Variants in DNM3 observed in about 807,000 individuals in gnomAD.
DNM3 encodes the protein dynamin 3.
In DNM3, 47 loss-of-function variants were observed where a neutral mutation model predicts 101.6. That is an observed-to-expected ratio of 0.46 (90% CI 0.37 to 0.59). The LOEUF is 0.59. Among genes scored for constraint, DNM3 ranks in the 20% least tolerant of loss-of-function variants. DNM3 has a pLI of 0.00. For missense variants in DNM3, 849 were observed against 1,085.7 expected, an observed-to-expected ratio of 0.78 and a Z score of 3.06; for synonymous variants, 385 against 387.9, an observed-to-expected ratio of 0.99 and a Z score of 0.09.
At chr1:172,032,526 CTTTTTTTTTTT>C (rs750270768) in intron 5 of DNM3, 26 bp downstream of exon 5, 5,436 of 359,156 alleles carry the variant, frequency 0.015, 63 homozygotes, top group African/African-American at 0.022. Context: ...CTATACAAGA[CTTTTTTTTTTT>C]TTTTTTTTTT....
chr1:172,294,170 A>G (rs762515582), intron 15 of DNM3, among the ~76,000 whole-genome samples: 7 of 152,222 alleles, frequency 4.6e-5, no homozygotes, highest in Non-Finnish European at 8.8e-5. Context: ...TAAAGCAAAG[A>G]TACAACTTTT....
chr1:172,304,267 A>T (rs1282552126), intron 15 of DNM3, among the ~76,000 whole-genome samples: 1 of 147,800 alleles, frequency 6.8e-6, no homozygotes. Context: ...CTTTAAACCA[A>T]CAAAGATCAA....
chr1:172,341,517 T>C (rs1227944015), intron 17 of DNM3, among the ~76,000 whole-genome samples: 3 of 152,158 alleles, frequency 2.0e-5, no homozygotes, highest in Admixed American at 2.0e-4. Flanking sequence ...AAAACGGCAT[T>C]GTACTGGTAC....
intron 4 of DNM3, among the ~76,000 whole-genome samples, chr1:171,997,428 A>G (rs942209699): frequency 1.2e-4 from 19 of 152,146 alleles, no homozygotes; most frequent in African/African-American, 3.9e-4. Flanking sequence ...GATTTGCTTC[A>G]GGACTATGCT....
chr1:171,879,098 C>A (rs1017465808), intron 1 of DNM3, among the ~76,000 whole-genome samples: 2 of 152,132 alleles, frequency 1.3e-5, no homozygotes, highest in South Asian at 4.1e-4. Context: ...ATGCTTTTGG[C>A]TTATGTACTA....
intron 14 of DNM3, among the ~76,000 whole-genome samples, chr1:172,205,747 G>A (rs533832361): frequency 1.3e-5 from 2 of 152,198 alleles, no homozygotes; most frequent in Admixed American, 1.3e-4. Context: ...TGAATATATA[G>A]TCGGGAAAGG....
chr1:172,045,984 A>G (rs897502377), intron 9 of DNM3, among the ~76,000 whole-genome samples: 11 of 152,306 alleles, frequency 7.2e-5, no homozygotes, highest in African/African-American at 2.2e-4. Flanking sequence ...AACCATTGTG[A>G]AAGTCAGTGT....
At chr1:172,280,367 C>CA (rs2063445089) in intron 15 of DNM3, among the ~76,000 whole-genome samples, 1 of 152,054 alleles carries the variant, frequency 6.6e-6, no homozygotes, top group Admixed American at 6.6e-5. Context: ...TCAGTGAAGG[C>CA]AAAAATTTAA....
chr1:171,862,334 C>T (rs1026407720), intron 1 of DNM3, among the ~76,000 whole-genome samples: 1 of 152,018 alleles, frequency 6.6e-6, no homozygotes, highest in African/African-American at 2.4e-5. Flanking sequence ...TGGAAACACC[C>T]AAATGCCCAC....
At chr1:172,288,805 A>C (rs2063794292) in intron 15 of DNM3, among the ~76,000 whole-genome samples, 1 of 152,154 alleles carries the variant, frequency 6.6e-6, no homozygotes, top group South Asian at 2.1e-4. Flanking sequence ...AGATTTCAAA[A>C]TCTGAGATAT....
intron 14 of DNM3, chr1:172,139,388 C>A (rs751046596): frequency 2.6e-5 from 4 of 155,956 alleles, no homozygotes; most frequent in African/African-American, 9.7e-5. Context: ...AAACAGCAGC[C>A]CTTTTCAAAA....
At chr1:171,996,439 A>G (rs2046001080) in intron 4 of DNM3, among the ~76,000 whole-genome samples, 1 of 152,122 alleles carries the variant, frequency 6.6e-6, no homozygotes, top group Non-Finnish European at 1.5e-5. Context: ...GGTAATATAT[A>G]CAGTGGTTGA....
In DNM3 at chr1:172,328,366, C is replaced by T. The variant is rs564674338; in HGVS notation, c.1893+5026C>T. On this transcript the variant is annotated intron_variant, in intron 17 of 20. Transcript: ENST00000627582. Reference sequence around the variant, plus strand: ...TTTAACACTGCTCCAAAACAAGAGTCGTTCATGCCTGTTTTGAAAGCATAA... The same window carrying T: ...TTTAACACTGCTCCAAAACAAGAGTTGTTCATGCCTGTTTTGAAAGCATAA... Among the ~76,000 whole-genome samples, 7 of 152,196 alleles carry T rather than the reference C, an allele frequency of 4.6e-5. No homozygotes were observed. In the South Asian group the frequency reaches 1.0e-3, roughly 23 times the overall value.
At chr1:171,943,747 C>T (rs966435481) in intron 2 of DNM3, among the ~76,000 whole-genome samples, 3 of 152,184 alleles carry the variant, frequency 2.0e-5, no homozygotes, top group African/African-American at 7.2e-5. Context: ...ACCTTGGGCA[C>T]ATGTTTTCAG....
chr1:172,411,824 G>C lies in DNM3; in HGVS notation c.*3983G>C, dbSNP rs1485060833. The C allele has an allele frequency of 7.1e-6, 7 of 985,644 alleles. No homozygotes were observed. The highest frequency in any genetic ancestry group is 8.4e-6 in the Non-Finnish European group (7 of 829,810). 61.1% of individuals were successfully genotyped at this position (985,644 alleles called of 1,614,324 possible). A position where few individuals can be genotyped will look rare whatever the true frequency, so the allele number is the denominator to read the frequency against. On this transcript the variant is annotated 3_prime_UTR_variant, in exon 21 of 21. Transcript: ENST00000627582. ...TATCATTTCAATTAGAAGACTACTA[G>C]CTGTGAGCTCAGAGTTTAATGTAAA...
At chr1:171,864,437 A>G (rs1260373351) in intron 1 of DNM3, 2 of 152,256 alleles carry the variant, frequency 1.3e-5, no homozygotes, top group Non-Finnish European at 2.9e-5. Context: ...TGTGCCAGTA[A>G]GGAGGACAAG....
In DNM3 at chr1:172,387,143, T is replaced by A; in HGVS notation, c.2069T>A (p.Phe690Tyr). Reference protein sequence around the residue: ...MHLMINNVKDFINSELLAQLY... With the variant: ...MHLMINNVKDYINSELLAQLY... Reference sequence around the variant, plus strand: ...GTGGTGATCTGACAGGTTAAAGATTTCATAAATTCCGAGCTCCTAGCACAG... The same window carrying A: ...GTGGTGATCTGACAGGTTAAAGATTACATAAATTCCGAGCTCCTAGCACAG... Residue 690 changes from phenylalanine to tyrosine, a missense_variant, in exon 19 of 21, where the codon TTC (phenylalanine) becomes TAC (tyrosine). Coordinates refer to ENST00000627582, the MANE Select transcript of DNM3 (RefSeq NM_015569.5). The A allele has an allele frequency of 6.2e-7, 1 of 1,613,590 alleles. No homozygotes were observed. The highest frequency in any genetic ancestry group is 1.1e-5 in the South Asian group (1 of 91,060).
intron 1 of DNM3, among the ~76,000 whole-genome samples, chr1:171,862,684 TA>T (rs939112194): frequency 9.2e-5 from 14 of 152,140 alleles, no homozygotes; most frequent in African/African-American, 3.1e-4. Flanking sequence ...ATGAATATAC[TA>T]AAAAATCACC....
chr1:172,304,374 C>G (rs1390325981), intron 15 of DNM3, among the ~76,000 whole-genome samples: 1 of 151,836 alleles, frequency 6.6e-6, no homozygotes, highest in Non-Finnish European at 1.5e-5. Flanking sequence ...CAGGAGCACC[C>G]AGATTCATAA....
Sources: allele counts gnomAD v4.1 joint callset (sites outside exome capture counted in the v4.1 genomes callset), GRCh38; gene constraint gnomAD v4.1.1; transcripts MANE v1.5; gene names NCBI Gene and HGNC (gene_info 2026-07-23, HGNC 2026-07-21).